CACNB2: variants seen among roughly 807,000 people sequenced by gnomAD.
CACNB2 encodes the protein voltage-dependent L-type calcium channel subunit beta-2.
In CACNB2, 42 loss-of-function variants were observed where a neutral mutation model predicts 73.3. That is an observed-to-expected ratio of 0.57 (90% CI 0.45 to 0.74). CACNB2 has a LOEUF of 0.74. CACNB2 is among the 30% of genes least tolerant of loss of function. CACNB2 has a pLI of 0.00. For synonymous variants in CACNB2, 348 were observed against 310.3 expected (o/e 1.12, Z -1.28); for missense variants, 940 against 853.0 (o/e 1.10, Z -1.27).
At chr10:18,451,521 T>C (rs1281864372) in intron 3 of CACNB2, among the ~76,000 whole-genome samples, 1 of 152,200 alleles carries the variant, frequency 6.6e-6, no homozygotes, top group African/African-American at 2.4e-5. Context: ...CAATGTGAAG[T>C]TTTTCTGATT....
At chr10:18,299,073 A>AT (rs2039396420) in intron 2 of CACNB2, among the ~76,000 whole-genome samples, 1 of 108,332 alleles carries the variant, frequency 9.2e-6, no homozygotes, top group Admixed American at 1.1e-4. Flanking sequence ...ATACTAAAAA[A>AT]AAAAAAATAA....
At chr10:18,294,361 A>T (rs2039190197) in intron 2 of CACNB2, among the ~76,000 whole-genome samples, 1 of 152,220 alleles carries the variant, frequency 6.6e-6, no homozygotes, top group South Asian at 2.1e-4. Context: ...GCTGAGGCTT[A>T]TCAGATCATC....
At chr10:18,437,863 G>GT (rs1184998350) in intron 3 of CACNB2, among the ~76,000 whole-genome samples, 2 of 152,066 alleles carry the variant, frequency 1.3e-5, no homozygotes, top group African/African-American at 2.4e-5. Flanking sequence ...CTTTTAAAGA[G>GT]TTTTTGTAAT....
At chr10:18,194,593 G>T (rs2034547943) in intron 2 of CACNB2, among the ~76,000 whole-genome samples, 1 of 152,194 alleles carries the variant, frequency 6.6e-6, no homozygotes, top group Admixed American at 6.5e-5. Context: ...TTTTAAATCA[G>T]ACCTGTTCAT....
chr10:18,142,163 T>C (rs1305456604), intron 1 of CACNB2, among the ~76,000 whole-genome samples: 1 of 152,236 alleles, frequency 6.6e-6, no homozygotes, highest in Non-Finnish European at 1.5e-5. Context: ...TCTAGCTTTA[T>C]TGAACTTTCT....
intron 2 of CACNB2, among the ~76,000 whole-genome samples, chr10:18,317,080 A>G (rs1478456755): frequency 6.6e-6 from 1 of 152,034 alleles, no homozygotes; most frequent in East Asian, 1.9e-4. Context: ...TCATAAACTT[A>G]CAGCTGTCTC....
intron 5 of CACNB2, among the ~76,000 whole-genome samples, chr10:18,505,766 T>C (rs1319145194): frequency 1.3e-5 from 2 of 152,196 alleles, no homozygotes; most frequent in African/African-American, 4.8e-5. Context: ...TTAACTCCAA[T>C]GTTTCTGAGA....
chr10:18,436,600 T>A (rs2046148953), intron 3 of CACNB2, among the ~76,000 whole-genome samples: 1 of 152,232 alleles, frequency 6.6e-6, no homozygotes, highest in Admixed American at 6.5e-5. Context: ...GTACTGTTGC[T>A]TGCAAAGCAT....
Position 18,167,031 on chromosome 10 carries a change from CT to C in CACNB2, c.213+16057del, listed in dbSNP as rs371882498. Among the ~76,000 whole-genome samples, 317 of 152,318 alleles carry C rather than the reference CT, an allele frequency of 2.1e-3. 3 individuals are homozygous for C. The highest frequency in any genetic ancestry group is 7.1e-3 in the African/African-American group (296 of 41,564). ...ATAAGACTGGAAATCCTGGAAAGCC[CT>C]GGGCTGGCCCTCCAGCCTCCCTTGC... On this transcript the variant is annotated intron_variant, in intron 2 of 13. Transcript: ENST00000324631.
chr10:18,182,381 A>G (rs2033931973), intron 2 of CACNB2, among the ~76,000 whole-genome samples: 2 of 152,014 alleles, frequency 1.3e-5, no homozygotes, highest in South Asian at 4.2e-4. Context: ...AAATATAAAA[A>G]CGTAGGTAAC....
At chr10:18,527,845 G>T in intron 10 of CACNB2, 148 bp downstream of exon 10, 1 of 684,616 alleles carries the variant, frequency 1.5e-6, no homozygotes, top group Non-Finnish European at 2.7e-6. Flanking sequence ...TGGTCTTACT[G>T]ATTTCATGGT....
At chr10:18,315,279 A>G (rs1476765456) in intron 2 of CACNB2, among the ~76,000 whole-genome samples, 1 of 151,972 alleles carries the variant, frequency 6.6e-6, no homozygotes, top group Non-Finnish European at 1.5e-5. Context: ...GGTTGCAGTG[A>G]GCCAAGATCA....
rs1554779378 is a variant in CACNB2 at position 18,259,570 on chromosome 10, A to AAAAAAAAAGAAAAC, written c.213+108600_213+108601insAAAGAAAACAAAAA. Among the ~76,000 whole-genome samples, 109 of 116,940 alleles carry AAAAAAAAAGAAAAC rather than the reference A, an allele frequency of 9.3e-4. 4 individuals carry two copies. Among genetic ancestry groups the AAAAAAAAAGAAAAC allele is most frequent in the Non-Finnish European group, 1.5e-3 (82 of 56,416 alleles). The allele number at this position is 116,940 out of a possible 152,430, so 76.7% of individuals were successfully genotyped here. The stretch of plus-strand genomic sequence containing the variant: ...AAAAAAAACAAAAAACAAACAAAAA[A>AAAAAAAAAGAAAAC]AAAAAGTAAAAGTAGCCAGGCATGG... On this transcript the variant is annotated intron_variant, in intron 2 of 13. Transcript: ENST00000324631.
In CACNB2 at chr10:18,216,610, G is replaced by C. The variant is rs143943305; in HGVS notation, c.213+65635G>C. On this transcript the variant is annotated intron_variant, in intron 2 of 13. Coordinates refer to ENST00000324631, the MANE Select transcript of CACNB2 (RefSeq NM_201596.3). ...GTAAAACACTTGTTTTTCTTTCTTTGTTTTTCAGTGATAGCTTGTGCAGAA... is the reference window on the plus strand; with the variant it reads ...GTAAAACACTTGTTTTTCTTTCTTTCTTTTTCAGTGATAGCTTGTGCAGAA... Among the ~76,000 whole-genome samples the C allele has an allele frequency of 5.7e-3, 873 of 152,128 alleles. 7 individuals carry two copies. Among genetic ancestry groups the C allele is most frequent in the African/African-American group, 0.02 (825 of 41,524 alleles).
At chr10:18,245,997 G>A (rs1455669062) in intron 2 of CACNB2, among the ~76,000 whole-genome samples, 3 of 152,176 alleles carry the variant, frequency 2.0e-5, no homozygotes, top group Non-Finnish European at 4.4e-5. Context: ...TGGTCAGAAA[G>A]GATTCTGTTG....
chr10:18,409,407 G>A (rs1458817602), intron 3 of CACNB2, among the ~76,000 whole-genome samples: 1 of 151,994 alleles, frequency 6.6e-6, no homozygotes, highest in Non-Finnish European at 1.5e-5. Context: ...CAAACTGCTG[G>A]GACTACAGAT....
At position 18,475,848 on chromosome 10, in the gene CACNB2, C is replaced by T. The variant is rs28654370; in HGVS notation, c.334-22507C>T. 9.8e-3 allele frequency among the ~76,000 whole-genome samples: 1,490 copies of T among 152,178 alleles called. 22 individuals are homozygous for T. The highest frequency in any genetic ancestry group is 0.034 in the African/African-American group (1,418 of 41,524). On this transcript the variant is annotated intron_variant, in intron 3 of 13. Coordinates refer to ENST00000324631, the MANE Select transcript of CACNB2 (RefSeq NM_201596.3). ...CTGGGCTTGAAATGGTTTAGGTACA[C>T]GGTCCAGTTCATAGCCAATGTTGTG...
rs56152004 is a variant in CACNB2 at position 18,298,106 on chromosome 10, C to T, written c.214-103818C>T. On this transcript the variant is annotated intron_variant, in intron 2 of 13. Coordinates refer to ENST00000324631, the MANE Select transcript of CACNB2 (RefSeq NM_201596.3). Reference sequence around the variant, plus strand: ...CCTTGAGGCTGGGCGTACTGGCTCACGCCTGTAATCCTAGCACTTTGGAAG... The same window carrying T: ...CCTTGAGGCTGGGCGTACTGGCTCATGCCTGTAATCCTAGCACTTTGGAAG... 4.2e-4 allele frequency among the ~76,000 whole-genome samples: 64 copies of T among 152,092 alleles called. 1 individual carries two copies. The highest frequency in any genetic ancestry group is 5.2e-4 in the Admixed American group (8 of 15,268).
intron 2 of CACNB2, among the ~76,000 whole-genome samples, chr10:18,329,759 A>G (rs537119605): frequency 2.5e-4 from 38 of 152,148 alleles, no homozygotes; most frequent in Admixed American, 7.2e-4. Flanking sequence ...TTTTATCCCA[A>G]ATTCATTGTT....
Sources: allele counts gnomAD v4.1 joint callset (sites outside exome capture counted in the v4.1 genomes callset), GRCh38; gene constraint gnomAD v4.1.1; transcripts MANE v1.5; gene names NCBI Gene and HGNC (gene_info 2026-07-23, HGNC 2026-07-21).